Variants in PPARA observed in about 807,000 individuals in gnomAD.
PPARA encodes peroxisome proliferator activated receptor alpha, also known as peroxisome proliferator-activated receptor alpha.
PPARA carries 22 observed loss-of-function variants against 42.2 expected under a neutral mutation model. That is an observed-to-expected ratio of 0.52 (90% CI 0.37 to 0.74). PPARA has a LOEUF of 0.74. Ranked by LOEUF, PPARA falls within the 30% of genes least tolerant of loss-of-function variation. The pLI is 0.00. For missense variants in PPARA, 465 were observed against 608.2 expected, an observed-to-expected ratio of 0.76 and a Z score of 2.48; for synonymous variants, 242 against 239.3, an observed-to-expected ratio of 1.01 and a Z score of -0.10.
chr22:46,215,029 C>A (rs1024227502), intron 4 of PPARA, 144 bp from the exon 5 acceptor site: 5 of 971,498 alleles, frequency 5.1e-6, no homozygotes, highest in Non-Finnish European at 7.9e-6. Context: ...GACCCAGAGG[C>A]AGGGCCCGGC....
At chr22:46,220,042 T>C in intron 7 of PPARA, 28 bp downstream of exon 7, 1 of 1,609,904 alleles carries the variant, frequency 6.2e-7, no homozygotes, top group African/African-American at 1.3e-5. Flanking sequence ...TTCTGGGTTC[T>C]CTTGGCAACA....
Position 46,231,766 on chromosome 22 carries a change from ACT to A in PPARA, c.712-25_712-24del, listed in dbSNP as rs1935889217. 1 of 1,606,858 alleles carries A rather than the reference ACT, an allele frequency of 6.2e-7. No homozygotes were observed. Among genetic ancestry groups the A allele is most frequent in the Non-Finnish European group, 8.5e-7 (1 of 1,176,592 alleles). On this transcript the variant is annotated intron_variant, in intron 7 of 8. Transcript: ENST00000407236. The surrounding 1 kb of genome is among the most constrained non-coding windows in gnomAD (Gnocchi z 7.7). Reference sequence around the variant, plus strand: ...AGCATAGCGCATCCCACATCACCTGACTTACCTTGGTGTCCTCCTTTGTAGCC... The same window carrying A: ...AGCATAGCGCATCCCACATCACCTGATACCTTGGTGTCCTCCTTTGTAGCC...
intron 4 of PPARA, among the ~76,000 whole-genome samples, chr22:46,207,048 C>T (rs953190958): frequency 6.6e-6 from 1 of 151,878 alleles, no homozygotes; most frequent in African/African-American, 2.4e-5. Flanking sequence ...TAAGGTGAAA[C>T]CCTGTCTTTA....
chr22:46,205,935 G>A (rs981537105), intron 4 of PPARA, among the ~76,000 whole-genome samples: 4 of 151,872 alleles, frequency 2.6e-5, no homozygotes, highest in African/African-American at 9.7e-5. Flanking sequence ...TGTTAACATG[G>A]TATATCTTTT....
In PPARA at chr22:46,211,650, G is replaced by C. The variant is rs1046399417; in HGVS notation, c.209-3523G>C. ...AAGTTCTGTGGGTTTTCACAAATGCGTAGTGTCATGTATCCACCACTACAT... is the reference window on the plus strand; with the variant it reads ...AAGTTCTGTGGGTTTTCACAAATGCCTAGTGTCATGTATCCACCACTACAT... On this transcript the variant is annotated intron_variant, in intron 4 of 8. Coordinates refer to ENST00000407236, the MANE Select transcript of PPARA (RefSeq NM_005036.6). The surrounding 1 kb of genome is among the most constrained non-coding windows in gnomAD (Gnocchi z 4.1). Among the ~76,000 whole-genome samples, 1 of 152,132 alleles carries C rather than the reference G, an allele frequency of 6.6e-6. No homozygotes were observed. The highest frequency in any genetic ancestry group is 6.6e-5 in the Admixed American group (1 of 15,250).
intron 7 of PPARA, among the ~76,000 whole-genome samples, chr22:46,229,658 A>C (rs941095846): frequency 6.6e-6 from 1 of 152,248 alleles, no homozygotes; most frequent in Non-Finnish European, 1.5e-5. Flanking sequence ...AACTTTAACA[A>C]ACAATGGTCA....
chr22:46,203,119 T>C lies in PPARA; in HGVS notation c.208+4528T>C, dbSNP rs890945805. Among the ~76,000 whole-genome samples the C allele has an allele frequency of 6.6e-6, 1 of 152,166 alleles. No individual in the cohort carries two copies. The highest frequency in any genetic ancestry group is 2.4e-5 in the African/African-American group (1 of 41,448). On this transcript the variant is annotated intron_variant, in intron 4 of 8. Coordinates refer to ENST00000407236, the MANE Select transcript of PPARA (RefSeq NM_005036.6). The surrounding 1 kb of genome is among the most constrained non-coding windows in gnomAD (Gnocchi z 5.8). ...TGTTATTCATACATGTGGTCATTTG[T>C]ACTCATCTCACAATTGTTAAAACCT...
chr22:46,157,084 G>A (rs890294711), intron 2 of PPARA, among the ~76,000 whole-genome samples: 1 of 152,254 alleles, frequency 6.6e-6, no homozygotes, highest in Non-Finnish European at 1.5e-5. Context: ...GCCAGGACCC[G>A]GTGCTGCCTG....
At chr22:46,159,395 G>A (rs1006055946) in intron 2 of PPARA, among the ~76,000 whole-genome samples, 1 of 152,164 alleles carries the variant, frequency 6.6e-6, no homozygotes, top group African/African-American at 2.4e-5. Context: ...TATTTTGCTT[G>A]AGTTGTACGA....
chr22:46,154,780 C>T (rs1035422217), intron 2 of PPARA, among the ~76,000 whole-genome samples: 2 of 150,498 alleles, frequency 1.3e-5, no homozygotes, highest in African/African-American at 4.9e-5. Context: ...CTCAGGTGAT[C>T]CTCCCACCTC....
At position 46,160,625 on chromosome 22, in the gene PPARA, A is replaced by G. The variant is rs992105255; in HGVS notation, c.-127+8655A>G. Among the ~76,000 whole-genome samples, 4 of 150,188 alleles carry G rather than the reference A, an allele frequency of 2.7e-5. No individual in the cohort carries two copies. The highest frequency in any genetic ancestry group is 6.6e-5 in the Admixed American group (1 of 15,054). On this transcript the variant is annotated intron_variant, in intron 2 of 8. Coordinates refer to ENST00000407236, the MANE Select transcript of PPARA (RefSeq NM_005036.6). The surrounding 1 kb of genome is among the most constrained non-coding windows in gnomAD (Gnocchi z 4.5). ...ATTGTTTGTTTATTTATTTCTTGAC[A>G]GGATCTCACTCTGTCACCAGGCTGG...
chr22:46,235,529 T>C lies in PPARA; in HGVS notation c.*149T>C. On this transcript the variant is annotated 3_prime_UTR_variant, in exon 9 of 9. Coordinates refer to ENST00000407236, the MANE Select transcript of PPARA (RefSeq NM_005036.6). This position sits in a 1 kb window ranked among gnomAD's most constrained non-coding sequence, Gnocchi z 7.0. ...TGAGCTGTAGGTAACCGGCATATTATTCCATATCTTTGTTTTAACCAGTAC... is the reference window on the plus strand; with the variant it reads ...TGAGCTGTAGGTAACCGGCATATTACTCCATATCTTTGTTTTAACCAGTAC... The C allele has an allele frequency of 1.9e-6, 2 of 1,039,508 alleles. No individual in the cohort carries two copies. Among genetic ancestry groups the C allele is most frequent in the Non-Finnish European group, 2.8e-6 (2 of 708,120 alleles). The allele number at this position is 1,039,508 out of a possible 1,614,324, so 64.4% of individuals were successfully genotyped here. A position where few individuals can be genotyped will look rare whatever the true frequency, so the allele number is the denominator to read the frequency against.
In PPARA at chr22:46,219,195, T is replaced by C. The variant is rs551320925; in HGVS notation, c.509-617T>C. 1.3e-5 allele frequency among the ~76,000 whole-genome samples: 2 copies of C among 152,106 alleles called. No individual in the cohort carries two copies. The highest frequency in any genetic ancestry group is 2.4e-5 in the African/African-American group (1 of 41,510). The stretch of plus-strand genomic sequence containing the variant: ...AGAAAAAAAAAGAAAAAGTCTCAAA[T>C]AGCTGAGATTCAGTGGTGCATTGGA... On this transcript the variant is annotated intron_variant, in intron 6 of 8. Coordinates refer to ENST00000407236, the MANE Select transcript of PPARA (RefSeq NM_005036.6). The surrounding 1 kb of genome is among the most constrained non-coding windows in gnomAD (Gnocchi z 4.8).
At position 46,198,601 on chromosome 22, in the gene PPARA, C is replaced by T. The variant is rs1932614311; in HGVS notation, c.208+10C>T. On this transcript the variant is annotated intron_variant, in intron 4 of 8. Coordinates refer to ENST00000407236, the MANE Select transcript of PPARA (RefSeq NM_005036.6). ...GGCTCGGTCATCACGGGTAAGTGTG[C>T]CGTTTCCTAGAAAGTTTTATTTAGA... 6.2e-7 allele frequency: 1 copy of T among 1,611,000 alleles called. No individual in the cohort carries two copies. Among genetic ancestry groups the T allele is most frequent in the African/African-American group, 1.3e-5 (1 of 74,616 alleles).
At chr22:46,220,155 T>C in intron 7 of PPARA, 141 bp downstream of exon 7, 2 of 1,007,434 alleles carry the variant, frequency 2.0e-6, no homozygotes, top group East Asian at 5.2e-5. Context: ...ATGGAAACAG[T>C]TCATTCTGAG....
In PPARA at chr22:46,196,027, C is replaced by A. The variant is rs1336968682; in HGVS notation, c.-42-2315C>A. 1.3e-5 allele frequency among the ~76,000 whole-genome samples: 2 copies of A among 148,350 alleles called. No homozygotes were observed. The highest frequency in any genetic ancestry group is 2.9e-5 in the Non-Finnish European group (2 of 68,028). The stretch of plus-strand genomic sequence containing the variant: ...AGGTGCAGACGTGGAATCCTGAAAG[C>A]AATTCTCAGCGCTGCTGCGTTTCCA... On this transcript the variant is annotated intron_variant, in intron 3 of 8. Transcript: ENST00000407236. This position sits in a 1 kb window ranked among gnomAD's most constrained non-coding sequence, Gnocchi z 5.6.
chr22:46,194,810 G>A (rs2147353162), intron 3 of PPARA, among the ~76,000 whole-genome samples: 1 of 151,220 alleles, frequency 6.6e-6, no homozygotes, highest in Admixed American at 6.6e-5. Context: ...CTGACCTTAA[G>A]TGATCAGCCC....
Position 46,221,704 on chromosome 22 carries a change from C to G in PPARA, c.711+1690C>G, listed in dbSNP as rs544709865. ...GTCTCAGCTACTTGGGAAGCTGAGG[C>G]AGGAGAATGGCGTGAACCCAGGAGG... On this transcript the variant is annotated intron_variant, in intron 7 of 8. Coordinates refer to ENST00000407236, the MANE Select transcript of PPARA (RefSeq NM_005036.6). The surrounding 1 kb of genome is among the most constrained non-coding windows in gnomAD (Gnocchi z 5.9). Among the ~76,000 whole-genome samples the G allele has an allele frequency of 1.3e-5, 2 of 152,240 alleles. No homozygotes were observed. The highest frequency in any genetic ancestry group is 2.9e-5 in the Non-Finnish European group (2 of 68,008).
intron 4 of PPARA, among the ~76,000 whole-genome samples, chr22:46,205,310 AG>A (rs1368470575): frequency 4.7e-5 from 7 of 150,000 alleles, no homozygotes; most frequent in African/African-American, 1.7e-4. Flanking sequence ...TCAACCTCCC[AG>A]GCCCAGGTAA....
Sources: allele counts gnomAD v4.1 joint callset (sites outside exome capture counted in the v4.1 genomes callset), GRCh38; gene constraint gnomAD v4.1.1; non-coding constraint Gnocchi (gnomAD v3.1); transcripts MANE v1.5; gene names NCBI Gene and HGNC (gene_info 2026-07-23, HGNC 2026-07-21).